ZNF678: variants seen among roughly 807,000 people sequenced by gnomAD.
ZNF678 encodes the protein hypothetical protein MGC42493.
A neutral mutation model predicts 3.0 loss-of-function variants in ZNF678; 5 were observed. The ratio of observed to expected loss-of-function variants is 1.69; its 90% CI spans 0.88 to 3.56. The LOEUF is 3.56. Ranked by LOEUF, ZNF678 falls within the 30% of genes most tolerant of loss-of-function variation. The pLI is 0.00. For synonymous variants in ZNF678, 218 were observed against 199.6 expected, an observed-to-expected ratio of 1.09 and a Z score of -0.78; for missense variants, 593 against 605.0, an observed-to-expected ratio of 0.98 and a Z score of 0.21.
intron 1 of ZNF678, among the ~76,000 whole-genome samples, chr1:227,622,169 C>T (rs968106253): frequency 1.6e-4 from 24 of 152,152 alleles, no homozygotes; most frequent in Non-Finnish European, 3.2e-4. Context: ...CTCTCTGAAG[C>T]GTGGTACTTA....
At chr1:227,663,358 G>A (rs1348063033), downstream of ZNF678, among the ~76,000 whole-genome samples, 2 of 152,174 alleles carry the variant, frequency 1.3e-5, no homozygotes, top group East Asian at 3.8e-4. Flanking sequence ...CTGAACCACT[G>A]TGGGAAACAG....
In ZNF678 at chr1:227,646,628, A is replaced by AG; in HGVS notation, c.-76dup. ...GGACCCTGCCCAGCGAAATTTGTAT[A>AG]GGGATGTGATGTTCGAGAACTACAG... On this transcript the variant is annotated 5_prime_UTR_variant, in exon 2 of 4. It removes the in-frame stop codon of an upstream open reading frame in the 5' UTR. Transcript: ENST00000343776. The AG allele has an allele frequency of 7.3e-7, 1 of 1,372,454 alleles. No homozygotes were observed. The highest frequency in any genetic ancestry group is 9.8e-7 in the Non-Finnish European group (1 of 1,024,752). 85.0% of individuals were successfully genotyped at this position (1,372,454 alleles called of 1,614,324 possible).
Position 227,657,784 on chromosome 1 carries a change from ATAATT to A in ZNF678, c.*1960_*1964del, listed in dbSNP as rs571522355. 2 of 152,056 alleles carry A rather than the reference ATAATT, an allele frequency of 1.3e-5. No homozygotes were observed. The highest frequency in any genetic ancestry group is 2.9e-5 in the Non-Finnish European group (2 of 67,932). 9.4% of individuals were successfully genotyped at this position (152,056 alleles called of 1,614,324 possible). A position where few individuals can be genotyped will look rare whatever the true frequency, so the allele number is the denominator to read the frequency against. On this transcript the variant is annotated 3_prime_UTR_variant, in exon 4 of 4. Coordinates refer to ENST00000343776, the MANE Select transcript of ZNF678 (RefSeq NM_001367909.1). ...GAAAACAAAAATATTGGAACAAAAT[ATAATT>A]TAAAAAGTATTGGTAATTTACTAGC...
At chr1:227,642,713 T>A (rs1473962353) in intron 1 of ZNF678, among the ~76,000 whole-genome samples, 1 of 151,718 alleles carries the variant, frequency 6.6e-6, no homozygotes, top group Non-Finnish European at 1.5e-5. Context: ...CTGTGAGACA[T>A]TTAGGGATGT....
At chr1:227,580,200 C>T (rs556154557) in intron 1 of ZNF678, among the ~76,000 whole-genome samples, 84 of 152,228 alleles carry the variant, frequency 5.5e-4, no homozygotes, top group African/African-American at 1.9e-3. Context: ...GCTTCTGTGT[C>T]TTCCCTCTGT....
Position 227,660,556 on chromosome 1 carries a change from A to G in ZNF678, c.*4728A>G, listed in dbSNP as rs1659376812. 6.6e-6 allele frequency: 1 copy of G among 152,086 alleles called. No homozygotes were observed. The highest frequency in any genetic ancestry group is 2.1e-4 in the South Asian group (1 of 4,820). 9.4% of individuals were successfully genotyped at this position (152,086 alleles called of 1,614,324 possible). A position where few individuals can be genotyped will look rare whatever the true frequency, so the allele number is the denominator to read the frequency against. Reference sequence around the variant, plus strand: ...TTTGTTGTTAGTGTATAGAAATGCTACTGACCCTTATATCTTGATTTTGTA... The same window carrying G: ...TTTGTTGTTAGTGTATAGAAATGCTGCTGACCCTTATATCTTGATTTTGTA... On this transcript the variant is annotated 3_prime_UTR_variant, in exon 4 of 4. Coordinates refer to ENST00000343776, the MANE Select transcript of ZNF678 (RefSeq NM_001367909.1).
intron 1 of ZNF678, among the ~76,000 whole-genome samples, chr1:227,570,019 A>G (rs924192566): frequency 1.3e-5 from 2 of 152,184 alleles, no homozygotes; most frequent in Non-Finnish European, 2.9e-5. Context: ...GTTGCTGCCA[A>G]ATCTGGAGTG....
At chr1:227,615,135 CTGAT>C (rs1291984411) in intron 1 of ZNF678, among the ~76,000 whole-genome samples, 5 of 152,158 alleles carry the variant, frequency 3.3e-5, no homozygotes, top group Admixed American at 6.5e-5. Flanking sequence ...AAAGGTCTGA[CTGAT>C]TGTCAGCCTG....
intron 1 of ZNF678, among the ~76,000 whole-genome samples, chr1:227,579,377 A>G (rs555936137): frequency 6.6e-6 from 1 of 152,116 alleles, no homozygotes; most frequent in South Asian, 2.1e-4. Context: ...GCTCAGGGGA[A>G]GACCCACTGT....
rs1656585106 is a variant in ZNF678, at chr1:227,563,572, A to T, written c.-316A>T. ...TGGCGGGGCCTTTGTCTTGTGCTCC[A>T]GCTGGAGCTTTGGTCCCGTATTCTC... On this transcript the variant is annotated 5_prime_UTR_variant, in exon 1 of 4. Transcript: ENST00000343776. 1.3e-6 allele frequency: 1 copy of T among 787,790 alleles called. No homozygotes were observed. The highest frequency in any genetic ancestry group is 1.9e-6 in the Non-Finnish European group (1 of 517,952). 48.8% of individuals were successfully genotyped at this position (787,790 alleles called of 1,614,324 possible). A position where few individuals can be genotyped will look rare whatever the true frequency, so the allele number is the denominator to read the frequency against.
At chr1:227,650,901 T>C in intron 2 of ZNF678, 55 bp from the exon 3 acceptor site, 1 of 1,414,860 alleles carries the variant, frequency 7.1e-7, no homozygotes, top group Non-Finnish European at 9.7e-7. Context: ...TTTACTTCTT[T>C]CTTTTCAATT....
chr1:227,609,479 C>G (rs1289423802), intron 1 of ZNF678, among the ~76,000 whole-genome samples: 4 of 152,290 alleles, frequency 2.6e-5, no homozygotes, highest in African/African-American at 9.6e-5. Context: ...CCTCTCGCTC[C>G]TCCAATTCTC....
At chr1:227,577,157 G>A (rs755214955) in intron 1 of ZNF678, among the ~76,000 whole-genome samples, 102 of 152,136 alleles carry the variant, frequency 6.7e-4, no homozygotes, top group Non-Finnish European at 1.3e-3. Flanking sequence ...TCTTTCTTCT[G>A]ATTATGTGAT....
rs750548838 is a variant in ZNF678 at position 227,590,636 on chromosome 1, G to A, written c.-164+26912G>A. On this transcript the variant is annotated intron_variant, in intron 1 of 3. Transcript: ENST00000343776. Reference sequence around the variant, plus strand: ...CATAGACAGGGAAGCCCAGGAGTTCGCCTGTTTTTATGGGCAGTAGGAAGA... The same window carrying A: ...CATAGACAGGGAAGCCCAGGAGTTCACCTGTTTTTATGGGCAGTAGGAAGA... Among the ~76,000 whole-genome samples, 11 of 151,692 alleles carry A rather than the reference G, an allele frequency of 7.3e-5. 1 individual carries two copies. Among genetic ancestry groups the A allele is most frequent in the African/African-American group, 2.2e-4 (9 of 41,168 alleles).
intron 1 of ZNF678, among the ~76,000 whole-genome samples, chr1:227,605,006 C>T (rs1326381430): frequency 6.6e-6 from 1 of 152,092 alleles, no homozygotes; most frequent in African/African-American, 2.4e-5. Context: ...CAGGGGCCCA[C>T]CACCACGCCC....
intron 5 of ZNF678, among the ~76,000 whole-genome samples, chr1:227,670,840 T>C (rs1014356480): frequency 4.6e-5 from 7 of 152,190 alleles, no homozygotes; most frequent in Non-Finnish European, 1.0e-4. Context: ...TCTCTATGCT[T>C]ATACTCTGGT....
chr1:227,635,415 A>ATATTTGT (rs1468110089), intron 1 of ZNF678, among the ~76,000 whole-genome samples: 2 of 152,120 alleles, frequency 1.3e-5, no homozygotes, highest in Non-Finnish European at 2.9e-5. Flanking sequence ...AGAAATAGAA[A>ATATTTGT]ATTTGTATTT....
At chr1:227,595,269 GTCTCTCTCTC>G (rs148351161) in intron 1 of ZNF678, among the ~76,000 whole-genome samples, 1 of 143,666 alleles carries the variant, frequency 7.0e-6, no homozygotes, top group African/African-American at 2.6e-5. Context: ...TCTCTTCTCT[GTCTCTCTCTC>G]TCTCTCTCTC....
chr1:227,649,452 G>A (rs1659039532), intron 2 of ZNF678, among the ~76,000 whole-genome samples: 1 of 152,166 alleles, frequency 6.6e-6, no homozygotes, highest in African/African-American at 2.4e-5. Flanking sequence ...CCAGGTTCAA[G>A]CAATTCTCCT....
Sources: allele counts gnomAD v4.1 joint callset (sites outside exome capture counted in the v4.1 genomes callset), GRCh38; gene constraint gnomAD v4.1.1; transcripts MANE v1.5; gene names NCBI Gene and HGNC (gene_info 2026-07-23, HGNC 2026-07-21).